The following HIPK1 variants were observed in gnomAD, a reference collection of about 807,000 sequenced individuals.
HIPK1 encodes homeodomain-interacting protein kinase 1.
Under a neutral mutation model 117.1 loss-of-function variants are expected in HIPK1, and 28 were observed. The observed-to-expected ratio is 0.24, with a 90% CI of 0.18 to 0.33. HIPK1 has a LOEUF of 0.33. Ranked by LOEUF, HIPK1 falls within the 10% of genes least tolerant of loss-of-function variation. The pLI, the probability that HIPK1 is intolerant of heterozygous loss-of-function variation, is 1.00. For missense variants in HIPK1, 1,122 were observed against 1,475.1 expected, an observed-to-expected ratio of 0.76 and a Z score of 3.92; for synonymous variants, 605 against 562.5, an observed-to-expected ratio of 1.08 and a Z score of -1.07.
At chr1:113,933,052 C>T (rs919973166) in intron 1 of HIPK1, 3 of 257,430 alleles carry the variant, frequency 1.2e-5, no homozygotes, top group Non-Finnish European at 1.2e-5. Flanking sequence ...GCTTTATAGA[C>T]CTATAGACTG....
chr1:113,950,244 A>G lies in HIPK1; in HGVS notation c.1077-2522A>G, dbSNP rs149321122. On this transcript the variant is annotated intron_variant, in intron 2 of 15. Coordinates refer to ENST00000426820, the MANE Select transcript of HIPK1 (RefSeq NM_198268.3). Reference sequence around the variant, plus strand: ...CCCTGCACATATACACAAAACAACAATAAGCACATATCACTTGAAAGTAGT... The same window carrying G: ...CCCTGCACATATACACAAAACAACAGTAAGCACATATCACTTGAAAGTAGT... Among the ~76,000 whole-genome samples the G allele has an allele frequency of 6.6e-4, 101 of 152,216 alleles. 1 individual carries two copies. The highest frequency in any genetic ancestry group is 2.4e-3 in the African/African-American group (99 of 41,550).
At chr1:113,945,962 G>T (rs1304710488) in intron 2 of HIPK1, among the ~76,000 whole-genome samples, 2 of 152,128 alleles carry the variant, frequency 1.3e-5, no homozygotes, top group African/African-American at 2.4e-5. Flanking sequence ...TAGTAAGTCA[G>T]TCCATCCTTA....
At position 113,971,916 on chromosome 1, in the gene HIPK1, G is replaced by C. The variant is rs377426569; in HGVS notation, c.3106G>C (p.Gly1036Arg). ...CCCCACAGGGTATCGAGCTCAACGC[G>C]GGGGGACCAGTGCAGCACAACCACT... ...ITPTGYRAQR[G>R]GTSAAQPLNL... is the part of the protein sequence containing the mutation. The change falls in exon 15 of 16, where the codon GGG becomes CGG. Residue 1036 changes from glycine (G) to arginine (R), a missense_variant. By Grantham distance (125) the Gly-to-Arg change is moderately radical (BLOSUM62 -2). Coordinates refer to ENST00000426820, the MANE Select transcript of HIPK1 (RefSeq NM_198268.3). 3.1e-6 allele frequency: 5 copies of C among 1,607,194 alleles called. No homozygotes were observed. The South Asian group carries it at 5.6e-5, about 18-fold the overall frequency.
rs749227320 is a variant in HIPK1, at chr1:113,968,544, G to A, written c.2667G>A (p.Gln889=). Residue 889 remains glutamine (Q), a synonymous_variant, in exon 13 of 16, where the codon CAG becomes CAA. Coordinates refer to ENST00000426820, the MANE Select transcript of HIPK1 (RefSeq NM_198268.3). ...ATTCCTTGGTCCCTGTCCAAGATCA[G>A]CATCAGCCCATCATCATTCCAGATA... The part of the protein sequence containing the change: ...SYNSLVPVQD[Q]HQPIIIPDTP... 2.5e-6 allele frequency: 4 copies of A among 1,613,972 alleles called. No individual in the cohort carries two copies. In the South Asian group the frequency reaches 4.4e-5, roughly 18 times the overall value.
chr1:113,963,366 C>T (rs1251577375), intron 9 of HIPK1, 21 bp from the exon 10 acceptor site: 2 of 1,611,588 alleles, frequency 1.2e-6, no homozygotes, highest in Non-Finnish European at 1.7e-6. Context: ...GTTTCACTCA[C>T]CTGCCTAATC....
At chr1:113,943,974 C>T (rs1419350134) in intron 2 of HIPK1, among the ~76,000 whole-genome samples, 1 of 151,868 alleles carries the variant, frequency 6.6e-6, no homozygotes, top group Non-Finnish European at 1.5e-5. Flanking sequence ...TCCACCATAC[C>T]TGGCTAATTA....
chr1:113,955,693 C>G, intron 5 of HIPK1, 44 bp downstream of exon 5: 1 of 1,013,448 alleles, frequency 9.9e-7, no homozygotes. Context: ...TATTTTTAAT[C>G]AGAGACACTT....
chr1:113,955,755 TCA>T (rs1671675491), intron 5 of HIPK1, 106 bp downstream of exon 5: 1 of 609,792 alleles, frequency 1.6e-6, no homozygotes, highest in African/African-American at 1.9e-5. Context: ...GTATTTGTTT[TCA>T]GTTTTTATAA....
chr1:113,943,595 G>T (rs1279151487), intron 2 of HIPK1, among the ~76,000 whole-genome samples: 1 of 152,150 alleles, frequency 6.6e-6, no homozygotes, highest in Non-Finnish European at 1.5e-5. Context: ...ATGAACATTG[G>T]TGTACAAGTA....
Position 113,973,321 on chromosome 1 carries a change from C to A in HIPK1, c.3442C>A (p.His1148Asn), listed in dbSNP as rs375745637. Reference sequence around the variant, plus strand: ...AAGGCATGCTGCAGCCTATACCACTCACCCTAGCACTTTGGTGCACCAGGT... The same window carrying A: ...AAGGCATGCTGCAGCCTATACCACTAACCCTAGCACTTTGGTGCACCAGGT... ...SSRHAAAYTT[H>N]PSTLVHQVPV... is the part of the protein sequence containing the mutation. Residue 1148 changes from histidine (H) to asparagine (N), a missense_variant, in exon 16 of 16, where the codon CAC becomes AAC. By Grantham distance (68) the His-to-Asn change is moderately conservative. Coordinates refer to ENST00000426820, the MANE Select transcript of HIPK1 (RefSeq NM_198268.3). The A allele has an allele frequency of 6.2e-7, 1 of 1,614,172 alleles. No homozygotes were observed.
chr1:113,973,873 T>TA lies in HIPK1; in HGVS notation c.*366dup, dbSNP rs1315455049. The TA allele has an allele frequency of 5.8e-6, 1 of 171,228 alleles. No homozygotes were observed. Among genetic ancestry groups the TA allele is most frequent in the Non-Finnish European group, 1.2e-5 (1 of 81,330 alleles). 10.6% of individuals were successfully genotyped at this position (171,228 alleles called of 1,614,324 possible). A position where few individuals can be genotyped will look rare whatever the true frequency, so the allele number is the denominator to read the frequency against. ...CTGACTTGATTTCTATAAATGCTTT[T>TA]AAAAACAAGTGAAGCCCCTCTTTAT... On this transcript the variant is annotated 3_prime_UTR_variant, in exon 16 of 16. Transcript: ENST00000426820.
chr1:113,957,254 T>C lies in HIPK1; in HGVS notation c.1723T>C (p.Phe575Leu). Residue 575 changes from phenylalanine (F) to leucine (L), a missense_variant, in exon 7 of 16, where the codon TTC (phenylalanine) becomes CTC (leucine). This residue lies in a region of HIPK1 where 731 missense variants were observed against 860.4 expected (regional missense o/e 0.85). Transcript: ENST00000426820. ...TACAAGCACAAATCTAACCATGAGC[T>C]TCAGCAATCAGCTCAATACAGTGCA... ...PNTSTNLTMS[F>L]SNQLNTVHNQ... is the part of the protein sequence containing the mutation. The C allele has an allele frequency of 6.2e-7, 1 of 1,613,974 alleles. No individual in the cohort carries two copies. Among genetic ancestry groups the C allele is most frequent in the Non-Finnish European group, 8.5e-7 (1 of 1,179,862 alleles).
chr1:113,938,757 A>G (rs7551215), intron 1 of HIPK1, among the ~76,000 whole-genome samples: 115,758 of 151,588 alleles, frequency 0.76, 44,970 homozygotes, highest in African/African-American at 0.92. Flanking sequence ...AAAATACAAA[A>G]AAATTAACTG....
chr1:113,958,497 A>C (rs1671874731), intron 8 of HIPK1, among the ~76,000 whole-genome samples: 1 of 152,206 alleles, frequency 6.6e-6, no homozygotes, highest in Admixed American at 6.5e-5. Context: ...GCATTGTAAG[A>C]GCTCACTTTA....
At chr1:113,946,221 C>T (rs1048342687) in intron 2 of HIPK1, among the ~76,000 whole-genome samples, 1 of 152,190 alleles carries the variant, frequency 6.6e-6, no homozygotes, top group Non-Finnish European at 1.5e-5. Flanking sequence ...ATATAACATA[C>T]TCTACAGGTG....
chr1:113,950,216 A>G (rs1027070258), intron 2 of HIPK1, among the ~76,000 whole-genome samples: 2 of 152,030 alleles, frequency 1.3e-5, no homozygotes, highest in Non-Finnish European at 2.9e-5. Context: ...CCTTCCCTCA[A>G]CCCCCTGCAC....
Position 113,970,056 on chromosome 1 carries a change from C to G in HIPK1, c.2872C>G (p.Leu958Val). The G allele has an allele frequency of 2.5e-6, 4 of 1,614,216 alleles. No homozygotes were observed. Among genetic ancestry groups the G allele is most frequent in the Non-Finnish European group, 3.4e-6 (4 of 1,180,050 alleles). The change falls in exon 14 of 16, where the codon CTG (leucine) becomes GTG (valine). Residue 958 changes from leucine to valine, a missense_variant. Transcript: ENST00000426820. The part of the protein sequence containing the change: ...SLSSPYSTDT[L>V]SALRGNSGSV... ...GAGCAGCCCTTATTCCACTGATACC[C>G]TGAGTGCTCTCCGAGGCAATAGTGG...
Position 113,977,803 on chromosome 1 carries a change from T to C in HIPK1, c.*4291T>C, listed in dbSNP as rs1049265930. ...AATAAAATGGGTAAATTTTCTGACT[T>C]ATGTGGCTGTTTTTGACTTCTGTTA... On this transcript the variant is annotated 3_prime_UTR_variant, in exon 16 of 16. Transcript: ENST00000426820. 1 of 152,770 alleles carries C rather than the reference T, an allele frequency of 6.5e-6. No individual in the cohort carries two copies. The highest frequency in any genetic ancestry group is 2.4e-5 in the African/African-American group (1 of 41,462). 9.5% of individuals were successfully genotyped at this position (152,770 alleles called of 1,614,324 possible). A position where few individuals can be genotyped will look rare whatever the true frequency, so the allele number is the denominator to read the frequency against.
chr1:113,949,966 G>T (rs1390193927), intron 2 of HIPK1, among the ~76,000 whole-genome samples: 1 of 152,258 alleles, frequency 6.6e-6, no homozygotes, highest in East Asian at 1.9e-4. Flanking sequence ...GATATTGGTG[G>T]TTCCACCCAT....
Sources: gnomAD v4.1 joint callset for allele counts (sites outside exome capture counted in the v4.1 genomes callset) on GRCh38, gnomAD v4.1.1 for gene constraint, gnomAD v4.1.1 regional missense constraint, MANE v1.5 for transcripts, NCBI Gene and HGNC (gene_info 2026-07-23, HGNC 2026-07-21) for gene names.